FSTL5: variants seen among roughly 807,000 people sequenced by gnomAD.
FSTL5 encodes follistatin like 5.
Under a neutral mutation model 89.1 loss-of-function variants are expected in FSTL5, and 62 were observed. The observed-to-expected ratio is 0.70, with a 90% CI of 0.57 to 0.86. The LOEUF is 0.86. Ranked by LOEUF, FSTL5 falls within the 40% of genes least tolerant of loss-of-function variation. FSTL5 has a pLI of 0.00. For synonymous variants in FSTL5, 383 were observed against 346.2 expected (o/e 1.11, Z -1.18); for missense variants, 1,057 against 1,001.6 (o/e 1.06, Z -0.75).
chr4:161,606,555 T>C (rs192115189), intron 7 of FSTL5, among the ~76,000 whole-genome samples: 96 of 152,224 alleles, frequency 6.3e-4, no homozygotes, highest in African/African-American at 2.1e-3. Flanking sequence ...TAATGTGTCA[T>C]GTATGTAGCA....
chr4:161,779,791 A>ATACATGTATATATATATG (rs1741575728), intron 4 of FSTL5, among the ~76,000 whole-genome samples: 1 of 51,592 alleles, frequency 1.9e-5, no homozygotes, highest in Non-Finnish European at 3.0e-5. Flanking sequence ...ATATATATAT[A>ATACATGTATATATATATG]TATATATATA....
intron 15 of FSTL5, among the ~76,000 whole-genome samples, chr4:161,440,309 A>G (rs1732715759): frequency 6.6e-6 from 1 of 151,818 alleles, no homozygotes; most frequent in African/African-American, 2.4e-5. Flanking sequence ...TTCCTCCTAC[A>G]CCACTGTGTC....
In FSTL5 at chr4:161,869,649, TAC is replaced by T. The variant is rs1732201171; in HGVS notation, c.409+50753_409+50754del. Among the ~76,000 whole-genome samples, 3 of 152,300 alleles carry T rather than the reference TAC, an allele frequency of 2.0e-5. No homozygotes were observed. The South Asian group carries it at 6.2e-4, about 32-fold the overall frequency. ...CTAATAGGTAGAGGTCACTGTCGGA[TAC>T]ACATTCTACAGTGCATAGGAAAGCC... On this transcript the variant is annotated intron_variant, in intron 4 of 15. Transcript: ENST00000306100.
intron 8 of FSTL5, among the ~76,000 whole-genome samples, chr4:161,568,035 A>G (rs984498103): frequency 4.6e-5 from 7 of 151,524 alleles, no homozygotes; most frequent in African/African-American, 1.7e-4. Flanking sequence ...TCTCTTGGCA[A>G]TACGAGATCA....
chr4:161,617,384 G>T (rs1308668572), intron 7 of FSTL5, among the ~76,000 whole-genome samples: 1 of 152,032 alleles, frequency 6.6e-6, no homozygotes, highest in African/African-American at 2.4e-5. Flanking sequence ...GGGTGCTGGA[G>T]ACCAGAGGAA....
At chr4:162,092,920 C>T (rs1482084405) in intron 2 of FSTL5, among the ~76,000 whole-genome samples, 2 of 137,088 alleles carry the variant, frequency 1.5e-5, no homozygotes, top group African/African-American at 5.6e-5. Flanking sequence ...CTGCACTCAG[C>T]CTGGGTGACA....
At chr4:161,513,272 G>GGGGGGAGAGA (rs1349844190) in intron 10 of FSTL5, among the ~76,000 whole-genome samples, 4 of 109,974 alleles carry the variant, frequency 3.6e-5, no homozygotes, top group African/African-American at 1.4e-4. Flanking sequence ...ACAAGGAGGG[G>GGGGGGAGAGA]GAGAGAGAGA....
chr4:161,386,405 A>AT lies in FSTL5; in HGVS notation c.1885dup (p.Ile629AsnfsTer2), dbSNP rs766244516. 2.5e-6 allele frequency: 4 copies of AT among 1,613,404 alleles called. No homozygotes were observed. Among genetic ancestry groups the AT allele is most frequent in the Non-Finnish European group, 3.4e-6 (4 of 1,179,670 alleles). Reference sequence around the variant, plus strand: ...GATGTATGACATGGTTTCAAGATCAATTTTTTGTAGTGCAGCTTCATCTTT... The same window carrying AT: ...GATGTATGACATGGTTTCAAGATCAATTTTTTTGTAGTGCAGCTTCATCTTT... On this transcript the variant is annotated frameshift_variant, in exon 16 of 16. Transcript: ENST00000306100. LOFTEE classifies it low-confidence loss of function (END_TRUNC).
chr4:161,456,665 T>A (rs1733365636), intron 14 of FSTL5, among the ~76,000 whole-genome samples: 2 of 152,212 alleles, frequency 1.3e-5, no homozygotes, highest in South Asian at 4.1e-4. Context: ...ACTTCCTTTG[T>A]GAATGTTTCC....
At chr4:162,145,331 G>A (rs184057497) in intron 1 of FSTL5, among the ~76,000 whole-genome samples, 1 of 152,108 alleles carries the variant, frequency 6.6e-6, no homozygotes, top group African/African-American at 2.4e-5. Context: ...TTACTGATAG[G>A]TATGATAGAA....
chr4:161,620,642 A>G (rs4498100), intron 7 of FSTL5, among the ~76,000 whole-genome samples: 102,902 of 152,032 alleles, frequency 0.68, 35,264 homozygotes, highest in African/African-American at 0.77. Context: ...GGCAACAAGA[A>G]TGAAACTCCA....
At chr4:161,652,996 G>T (rs753467394) in intron 7 of FSTL5, among the ~76,000 whole-genome samples, 4 of 152,024 alleles carry the variant, frequency 2.6e-5, no homozygotes, top group Non-Finnish European at 5.9e-5. Flanking sequence ...CAACACATCA[G>T]AAATCCATAT....
chr4:161,928,971 A>G (rs959984786), intron 3 of FSTL5, among the ~76,000 whole-genome samples: 7 of 151,816 alleles, frequency 4.6e-5, no homozygotes, highest in African/African-American at 1.7e-4. Context: ...CACCAAACTC[A>G]GCCTCTTAGA....
chr4:161,921,153 T>C (rs1280604497), intron 3 of FSTL5, among the ~76,000 whole-genome samples: 1 of 152,102 alleles, frequency 6.6e-6, no homozygotes, highest in African/African-American at 2.4e-5. Context: ...GAATTGTAGA[T>C]AGGAGAAAGT....
At chr4:161,730,677 C>T (rs922752012) in intron 6 of FSTL5, among the ~76,000 whole-genome samples, 42 of 152,226 alleles carry the variant, frequency 2.8e-4, no homozygotes, top group African/African-American at 1.0e-3. Flanking sequence ...CTAGTCCTTT[C>T]TCTGAAATGA....
intron 10 of FSTL5, among the ~76,000 whole-genome samples, chr4:161,516,719 AT>A (rs1730850253): frequency 2.0e-5 from 1 of 50,544 alleles, no homozygotes; most frequent in African/African-American, 5.7e-5. Flanking sequence ...ATATATATAT[AT>A]ATGTACACAC....
chr4:161,883,902 A>G (rs909655178), intron 4 of FSTL5, among the ~76,000 whole-genome samples: 1 of 152,048 alleles, frequency 6.6e-6, no homozygotes, highest in Admixed American at 6.6e-5. Context: ...CTCTTTGAAT[A>G]TTTTCTGTGA....
In FSTL5 at chr4:161,478,986, G is replaced by T. The variant is rs549644151; in HGVS notation, c.1608+2034C>A. Among the ~76,000 whole-genome samples, 8 of 149,982 alleles carry T rather than the reference G, an allele frequency of 5.3e-5. No homozygotes were observed. In the East Asian group the frequency reaches 1.6e-3, roughly 30 times the overall value. On this transcript the variant is annotated intron_variant, in intron 13 of 15. Transcript: ENST00000306100. The stretch of plus-strand genomic sequence containing the variant: ...CATTTATGCTCAAAATCAGTCAGTA[G>T]TTACATGTGGTAATAGAAATCTACA...
chr4:161,770,180 G>A (rs2126799179), intron 5 of FSTL5, among the ~76,000 whole-genome samples: 1 of 152,102 alleles, frequency 6.6e-6, no homozygotes, highest in South Asian at 2.1e-4. Context: ...TGAACTTACA[G>A]CGATAGAGCA....
Sources: allele counts gnomAD v4.1 joint callset (sites outside exome capture counted in the v4.1 genomes callset), GRCh38; gene constraint gnomAD v4.1.1; transcripts MANE v1.5; gene names NCBI Gene and HGNC (gene_info 2026-07-23, HGNC 2026-07-21).